Variants in MACF1 observed in about 807,000 individuals in gnomAD.
The protein encoded by MACF1 is microtubule-actin cross-linking factor 1.
MACF1 carries 193 observed loss-of-function variants against 854.8 expected under a neutral mutation model. That is an observed-to-expected ratio of 0.23 (90% confidence interval 0.20 to 0.25). The LOEUF is 0.25. Among genes scored for constraint, MACF1 ranks in the 10% least tolerant of loss-of-function variants. The pLI is 1.00. For synonymous variants in MACF1, 3,185 were observed against 3,226.7 expected, an observed-to-expected ratio of 0.99 and a Z score of 0.44; for missense variants, 7,722 against 8,929.1, an observed-to-expected ratio of 0.86 and a Z score of 5.45.
At chr1:39,401,993 C>G (rs1011857419) in intron 58 of MACF1, among the ~76,000 whole-genome samples, 3 of 152,358 alleles carry the variant, frequency 2.0e-5, no homozygotes, top group East Asian at 1.9e-4. Context: ...AGGCAGATCA[C>G]TTGAGGTCAG....
intron 2 of MACF1, among the ~76,000 whole-genome samples, chr1:39,173,351 A>G (rs28453878): frequency 1.9e-4 from 24 of 126,248 alleles, no homozygotes; most frequent in African/African-American, 2.9e-4. Flanking sequence ...AAAAAAAAAA[A>G]AAAGAAAGAA....
intron 2 of MACF1, among the ~76,000 whole-genome samples, chr1:39,241,053 T>TG (rs1644916778): frequency 6.6e-6 from 1 of 150,646 alleles, no homozygotes; most frequent in South Asian, 2.1e-4. Context: ...ATAATCTGTT[T>TG]TTTTTTTTTT....
Position 39,427,857 on chromosome 1 carries a change from T to C in MACF1, c.16477-104T>C, listed in dbSNP as rs1459649161. 3 of 1,085,488 alleles carry C rather than the reference T, an allele frequency of 2.8e-6. No homozygotes were observed. In the African/African-American group the frequency reaches 4.8e-5, roughly 17 times the overall value. The allele number at this position is 1,085,488 out of a possible 1,614,324, so 67.2% of individuals were successfully genotyped here. On this transcript the variant is annotated intron_variant, in intron 62 of 100. Coordinates refer to ENST00000564288, the MANE Select transcript of MACF1 (RefSeq NM_001394062.1). ...TTATTTTTGCCTTTCAGTCGGTGAGTTTTTTAATTGTTTAATTTGTTGTAT... is the reference window on the plus strand; with the variant it reads ...TTATTTTTGCCTTTCAGTCGGTGAGCTTTTTAATTGTTTAATTTGTTGTAT...
At chr1:39,314,221 C>T (rs1284002796) in intron 26 of MACF1, among the ~76,000 whole-genome samples, 2 of 152,012 alleles carry the variant, frequency 1.3e-5, no homozygotes, top group Non-Finnish European at 2.9e-5. Flanking sequence ...CCAGCCTGGC[C>T]AACATGGTAA....
chr1:39,434,585 C>A lies in MACF1; in HGVS notation c.17737C>A (p.Pro5913Thr). 1.2e-6 allele frequency: 2 copies of A among 1,614,134 alleles called. No homozygotes were observed. Among genetic ancestry groups the A allele is most frequent in the South Asian group, 2.2e-5 (2 of 91,078 alleles). ...TRALIAQLPS[P>T]AIDHEQLRQQ... is the part of the protein sequence containing the mutation. ...GGCACTAATAGCACAGTTACCCTCT[C>A]CAGCCATTGATCATGAGCAGCTCAG... is the stretch of plus-strand genomic sequence containing the variant. The change falls in exon 69 of 101, where the codon CCA (proline) becomes ACA (threonine). Residue 5913 changes from proline (P) to threonine (T), a missense_variant. Physicochemically the swap from Pro to Thr is conservative, Grantham distance 38. Coordinates refer to ENST00000564288, the MANE Select transcript of MACF1 (RefSeq NM_001394062.1).
At chr1:39,380,452 A>C in intron 55 of MACF1, 79 bp downstream of exon 55, 2 of 1,385,598 alleles carry the variant, frequency 1.4e-6, no homozygotes, top group Non-Finnish European at 2.0e-6. Flanking sequence ...CACATCCTAT[A>C]AAACAGGAAT....
At position 39,132,103 on chromosome 1, in the gene MACF1, C is replaced by T. The variant is rs551596285; in HGVS notation, c.220+47665C>T. The stretch of plus-strand genomic sequence containing the variant: ...CATTTCCCTCAAATGGAGGGATATC[C>T]CTCAGTAAAGGAAGGAGCTCAGAAT... On this transcript the variant is annotated intron_variant, in intron 2 of 93. Coordinates refer to the MACF1 transcript ENST00000361689. 2.0e-5 allele frequency among the ~76,000 whole-genome samples: 3 copies of T among 152,304 alleles called. No individual in the cohort carries two copies. In the South Asian group the frequency reaches 6.2e-4, roughly 32 times the overall value.
intron 44 of MACF1, among the ~76,000 whole-genome samples, chr1:39,355,554 C>T (rs1399151586): frequency 6.9e-6 from 1 of 144,338 alleles, no homozygotes; most frequent in Non-Finnish European, 1.5e-5. Context: ...GCAACCTCTG[C>T]CTCCCGGGTT....
intron 35 of MACF1, 67 bp from the exon 36 acceptor site, chr1:39,327,151 G>A: frequency 7.0e-7 from 1 of 1,429,404 alleles, no homozygotes; most frequent in Admixed American, 2.5e-5. Flanking sequence ...CAATTTTGAA[G>A]CAATAGAGCA....
intron 4 of MACF1, among the ~76,000 whole-genome samples, chr1:39,253,916 C>T (rs907156807): frequency 2.6e-5 from 4 of 152,202 alleles, no homozygotes; most frequent in Non-Finnish European, 4.4e-5. Flanking sequence ...CCTTTCTCTA[C>T]GATAGCATTT....
intron 2 of MACF1, among the ~76,000 whole-genome samples, chr1:39,174,946 G>A (rs796387879): frequency 6.6e-6 from 1 of 152,218 alleles, no homozygotes; most frequent in South Asian, 2.1e-4. Flanking sequence ...TAAGAGATGT[G>A]CAGAATGACC....
chr1:39,403,839 G>T (rs537457199), intron 58 of MACF1, among the ~76,000 whole-genome samples: 9 of 134,836 alleles, frequency 6.7e-5, no homozygotes, highest in South Asian at 4.3e-4. Flanking sequence ...AAAATTTTTG[G>T]GCGGGGGGGC....
rs565388886 is a variant in MACF1 at position 39,218,309 on chromosome 1, T to A, written c.110-12873T>A. Among the ~76,000 whole-genome samples the A allele has an allele frequency of 1.2e-4, 18 of 152,314 alleles. No homozygotes were observed. The South Asian group carries it at 3.5e-3, about 30-fold the overall frequency. ...AGAGTTGGAGATAAAAATAAAATTT[T>A]AAAAATAACAAAGGACAAATGCCTA... On this transcript the variant is annotated intron_variant, in intron 1 of 100. Transcript: ENST00000564288.
In MACF1 at chr1:39,295,267, T is replaced by C. The variant is rs114142894; in HGVS notation, c.2259+117T>C. 7,584 of 780,322 alleles carry C rather than the reference T, an allele frequency of 9.7e-3. 50 individuals carry two copies. Among genetic ancestry groups the C allele is most frequent in the Non-Finnish European group, 0.013 (6,050 of 473,922 alleles). The allele number at this position is 780,322 out of a possible 1,614,324, so 48.3% of individuals were successfully genotyped here. On this transcript the variant is annotated intron_variant, in intron 19 of 100. Coordinates refer to ENST00000564288, the MANE Select transcript of MACF1 (RefSeq NM_001394062.1). ...TGGAGGAAGTGTCAGGGAACATTTG[T>C]CTTGGGTCTTCTCTCTTTTCATTCC... is the stretch of plus-strand genomic sequence containing the variant.
At chr1:39,119,100 C>T (rs530765794) in intron 2 of MACF1, among the ~76,000 whole-genome samples, 1 of 152,260 alleles carries the variant, frequency 6.6e-6, no homozygotes, top group South Asian at 2.1e-4. Flanking sequence ...GGGCAGATCA[C>T]CTGAGATCAG....
At chr1:39,290,467 T>C (rs1645751657) in intron 15 of MACF1, among the ~76,000 whole-genome samples, 1 of 152,210 alleles carries the variant, frequency 6.6e-6, no homozygotes, top group Non-Finnish European at 1.5e-5. Context: ...GGTAATGTGA[T>C]TCCTCCAGTT....
At position 39,084,431 on chromosome 1, in the gene MACF1, A is replaced by G; in HGVS notation, c.213A>G (p.Arg71=). The G allele has an allele frequency of 1.2e-6, 2 of 1,608,246 alleles. No individual in the cohort carries two copies. The highest frequency in any genetic ancestry group is 1.7e-6 in the Non-Finnish European group (2 of 1,179,670). Residue 71 remains arginine, a synonymous_variant, in exon 2 of 94, where the codon AGA becomes AGG. Transcript: ENST00000361689. This position sits in a 1 kb window ranked among gnomAD's most constrained non-coding sequence, Gnocchi z 5.2. The stretch of plus-strand genomic sequence containing the variant: ...ACCCTGCAGAGCGTGCTGTGGTCAG[A>G]GTCGCTGGTAAGAGAGGTCCCCCAG...
At position 39,368,325 on chromosome 1, in the gene MACF1, A is replaced by C. The variant is rs747033460; in HGVS notation, c.12938+11A>C. On this transcript the variant is annotated intron_variant, in intron 50 of 100. Coordinates refer to ENST00000564288, the MANE Select transcript of MACF1 (RefSeq NM_001394062.1). Reference sequence around the variant, plus strand: ...GACAGTTAAAGAGAGGTGAGTTATCACTTGTGTTGGTCAGCATTGGGGAAC... The same window carrying C: ...GACAGTTAAAGAGAGGTGAGTTATCCCTTGTGTTGGTCAGCATTGGGGAAC... 6.2e-7 allele frequency: 1 copy of C among 1,608,894 alleles called. No homozygotes were observed. The highest frequency in any genetic ancestry group is 8.5e-7 in the Non-Finnish European group (1 of 1,175,914).
chr1:39,221,243 A>AT (rs1415363014), intron 1 of MACF1, among the ~76,000 whole-genome samples: 5 of 152,168 alleles, frequency 3.3e-5, no homozygotes, highest in Admixed American at 2.6e-4. Context: ...CTGCAATTGA[A>AT]TTTTATAGGG....
Sources: gnomAD v4.1 joint callset for allele counts (sites outside exome capture counted in the v4.1 genomes callset) on GRCh38, gnomAD v4.1.1 for gene constraint, Gnocchi (gnomAD v3.1) non-coding constraint, MANE v1.5 for transcripts, NCBI Gene and HGNC (gene_info 2026-07-23, HGNC 2026-07-21) for gene names.